Variants in AFG2A observed in about 807,000 individuals in gnomAD.
AFG2A encodes ATPase family gene 2 protein homolog A.
chr4:123,212,593 A>T, the AFG2A span, among the ~76,000 whole-genome samples: 2 of 152,288 alleles, frequency 1.3e-5, no homozygotes, highest in Admixed American at 1.3e-4. Context: ...TTGATTTTTT[A>T]AAATATGAAT....
the AFG2A span, among the ~76,000 whole-genome samples, chr4:122,943,842 ATC>A: frequency 6.6e-6 from 1 of 151,918 alleles, no homozygotes; most frequent in Non-Finnish European, 1.5e-5. Flanking sequence ...TGGTGACAAA[ATC>A]TCTCAGCATT....
chr4:123,013,781 A>G, the AFG2A span, among the ~76,000 whole-genome samples: 1,610 of 152,316 alleles, frequency 0.011, 16 homozygotes, highest in Middle Eastern at 0.034. Context: ...TTGTAAGATA[A>G]TACAAGATAA....
the AFG2A span, among the ~76,000 whole-genome samples, chr4:122,949,259 C>G: frequency 3.9e-5 from 6 of 152,214 alleles, no homozygotes; most frequent in Admixed American, 6.5e-5. Context: ...GTCATCCACT[C>G]TAGCCCATCA....
the AFG2A span, among the ~76,000 whole-genome samples, chr4:122,973,960 G>A: frequency 1.3e-5 from 2 of 152,078 alleles, no homozygotes; most frequent in Non-Finnish European, 2.9e-5. Flanking sequence ...TTACAAGTGT[G>A]AGCCACCGTG....
chr4:123,093,816 G>A, the AFG2A span, among the ~76,000 whole-genome samples: 1 of 152,174 alleles, frequency 6.6e-6, no homozygotes, highest in African/African-American at 2.4e-5. Context: ...TGAGTTGGAA[G>A]CCTTGTGCCA....
chr4:123,030,610 T>G, the AFG2A span, among the ~76,000 whole-genome samples: 3 of 152,200 alleles, frequency 2.0e-5, no homozygotes, highest in Non-Finnish European at 4.4e-5. Context: ...GTTACTAATT[T>G]TGATTTAGTG....
the AFG2A span, among the ~76,000 whole-genome samples, chr4:123,003,167 A>G: frequency 6.6e-6 from 1 of 152,086 alleles, no homozygotes; most frequent in African/African-American, 2.4e-5. Flanking sequence ...AGCTCCTTTA[A>G]GCACTTCTCT....
At chr4:123,078,699 A>T in the AFG2A span, among the ~76,000 whole-genome samples, 1 of 152,198 alleles carries the variant, frequency 6.6e-6, no homozygotes, top group Non-Finnish European at 1.5e-5. Context: ...GATGGCTACC[A>T]AAAAGTATCT....
the AFG2A span, among the ~76,000 whole-genome samples, chr4:123,092,976 G>GA: frequency 1.3e-5 from 2 of 152,122 alleles, no homozygotes; most frequent in Non-Finnish European, 2.9e-5. Context: ...CCTTATTGAG[G>GA]AAAAATCTCT....
At chr4:123,281,172 A>G in the AFG2A span, among the ~76,000 whole-genome samples, 1 of 152,122 alleles carries the variant, frequency 6.6e-6, no homozygotes, top group Non-Finnish European at 1.5e-5. Context: ...AAATTTTTGA[A>G]CTATTTTGTG....
At chr4:123,292,494 C>T in the AFG2A span, among the ~76,000 whole-genome samples, 1 of 152,074 alleles carries the variant, frequency 6.6e-6, no homozygotes, top group Admixed American at 6.6e-5. Context: ...GGGTAGACTA[C>T]TTTTTCTTAC....
chr4:123,144,001 C>T, the AFG2A span, among the ~76,000 whole-genome samples: 5 of 151,736 alleles, frequency 3.3e-5, no homozygotes, highest in Non-Finnish European at 1.5e-5. Context: ...TCTTTGTATT[C>T]GTTAGCCCAG....
the AFG2A span, among the ~76,000 whole-genome samples, chr4:123,232,838 G>A: frequency 6.6e-6 from 1 of 152,002 alleles, no homozygotes; most frequent in Admixed American, 6.6e-5. Context: ...CTGATGTAAA[G>A]TTAGGCAAAA....
At chr4:123,193,927 G>A in the AFG2A span, among the ~76,000 whole-genome samples, 1 of 152,130 alleles carries the variant, frequency 6.6e-6, no homozygotes, top group Non-Finnish European at 1.5e-5. Flanking sequence ...GCTTTAAAAT[G>A]TAAAAGGGGA....
chr4:123,197,148 A>G, the AFG2A span, among the ~76,000 whole-genome samples: 1 of 152,264 alleles, frequency 6.6e-6, no homozygotes. Context: ...GTAAGGAGCC[A>G]AATTCATTTA....
the AFG2A span, among the ~76,000 whole-genome samples, chr4:123,033,104 TA>T: frequency 6.6e-6 from 1 of 152,272 alleles, no homozygotes; most frequent in African/African-American, 2.4e-5. Context: ...ATCTGAAATT[TA>T]AAAATTCCAA....
At chr4:123,113,298 C>G in the AFG2A span, among the ~76,000 whole-genome samples, 1 of 152,070 alleles carries the variant, frequency 6.6e-6, no homozygotes, top group Non-Finnish European at 1.5e-5. Flanking sequence ...TTTTCCCAGA[C>G]AAATCCATGG....
the AFG2A span, among the ~76,000 whole-genome samples, chr4:123,247,336 G>T: frequency 6.6e-6 from 1 of 152,026 alleles, no homozygotes; most frequent in Non-Finnish European, 1.5e-5. Flanking sequence ...TACTTCTTGT[G>T]AAAAGGTTTA....
the AFG2A span, among the ~76,000 whole-genome samples, chr4:123,313,454 C>T: frequency 6.6e-6 from 1 of 152,224 alleles, no homozygotes; most frequent in African/African-American, 2.4e-5. Flanking sequence ...TGTTGATGAG[C>T]AAGGCCTCAC....
Sources: gnomAD v4.1 joint callset for allele counts (sites outside exome capture counted in the v4.1 genomes callset) on GRCh38, gnomAD v4.1.1 for gene constraint, MANE v1.5 for transcripts, NCBI Gene and HGNC (gene_info 2026-07-23, HGNC 2026-07-21) for gene names.